TTC27: variants seen among roughly 807,000 people sequenced by gnomAD.
The protein encoded by TTC27 is tetratricopeptide repeat protein 27.
In TTC27, 79 loss-of-function variants were observed where a neutral mutation model predicts 115.9. The ratio of observed to expected loss-of-function variants is 0.68; its 90% CI spans 0.57 to 0.82. The LOEUF is 0.82. TTC27 is among the 40% of genes least tolerant of loss of function. TTC27 has a pLI of 0.00. For missense variants in TTC27, 1,054 were observed against 993.1 expected, an observed-to-expected ratio of 1.06 and a Z score of -0.82; for synonymous variants, 401 against 356.0, an observed-to-expected ratio of 1.13 and a Z score of -1.42.
chr2:32,730,621 A>T (rs1012295698), intron 10 of TTC27, among the ~76,000 whole-genome samples: 12 of 137,832 alleles, frequency 8.7e-5, no homozygotes, highest in Admixed American at 3.6e-4. Flanking sequence ...AGACTTTCTT[A>T]TTTTTTTTTT....
intron 9 of TTC27, among the ~76,000 whole-genome samples, chr2:32,681,978 ATATGTG>A (rs59256112): frequency 0.17 from 23,436 of 137,636 alleles, 2,157 homozygotes; most frequent in East Asian, 0.28. Context: ...ATATGTATAT[ATATGTG>A]TGTGTGTGTG....
intron 3 of TTC27, among the ~76,000 whole-genome samples, chr2:32,635,885 A>G (rs912758011): frequency 6.6e-6 from 1 of 152,188 alleles, no homozygotes; most frequent in African/African-American, 2.4e-5. Context: ...ATTTTAATCC[A>G]TAATGCTGAT....
At chr2:32,790,863 T>C (rs189374718) in intron 16 of TTC27, among the ~76,000 whole-genome samples, 5 of 152,306 alleles carry the variant, frequency 3.3e-5, no homozygotes, top group Non-Finnish European at 5.9e-5. Flanking sequence ...TTACATGGAC[T>C]CTTTATGGTT....
At chr2:32,645,697 G>T (rs1024505728) in intron 4 of TTC27, among the ~76,000 whole-genome samples, 2 of 150,138 alleles carry the variant, frequency 1.3e-5, no homozygotes, top group Non-Finnish European at 3.0e-5. Flanking sequence ...TATCCCTCCC[G>T]CCTCCCCCCA....
chr2:32,663,072 C>T (rs1484019589), intron 5 of TTC27, among the ~76,000 whole-genome samples: 1 of 152,184 alleles, frequency 6.6e-6, no homozygotes, highest in Non-Finnish European at 1.5e-5. Flanking sequence ...GCTGTGCTGG[C>T]AGTGAGAATT....
chr2:32,776,855 C>A (rs529452384), intron 13 of TTC27, among the ~76,000 whole-genome samples: 157 of 152,250 alleles, frequency 1.0e-3, no homozygotes, highest in African/African-American at 3.7e-3. Context: ...AGTGATCCGC[C>A]CACCTCGGCC....
chr2:32,640,846 G>A (rs1450079465), intron 4 of TTC27, among the ~76,000 whole-genome samples: 1 of 152,116 alleles, frequency 6.6e-6, no homozygotes, highest in Non-Finnish European at 1.5e-5. Flanking sequence ...GCTGGGCGCA[G>A]TGGCGTGCAC....
Position 32,638,840 on chromosome 2 carries a change from A to AT in TTC27, c.397-1420dup, listed in dbSNP as rs545271716. Reference sequence around the variant, plus strand: ...TCTGAGGTATAGGTTCAGTTATTTCATTTTTTTTTTGATACGGAGTCTTGC... The same window carrying AT: ...TCTGAGGTATAGGTTCAGTTATTTCATTTTTTTTTTTGATACGGAGTCTTGC... On this transcript the variant is annotated intron_variant, in intron 3 of 19. Transcript: ENST00000317907. Among the ~76,000 whole-genome samples the AT allele has an allele frequency of 7.8e-3, 1,167 of 148,904 alleles. 8 individuals carry two copies. The highest frequency in any genetic ancestry group is 0.011 in the Non-Finnish European group (758 of 66,936).
In TTC27 at chr2:32,646,680, C is replaced by T. The variant is rs527847193; in HGVS notation, c.538-3451C>T. Among the ~76,000 whole-genome samples the T allele has an allele frequency of 2.0e-5, 3 of 150,448 alleles. No homozygotes were observed. The East Asian group carries it at 6.0e-4, about 30-fold the overall frequency. ...CCGGGTTCATGCCATTCTCCTGCCTCAGCCCCCCAAGTAGCTGGGACTACA... is the reference window on the plus strand; with the variant it reads ...CCGGGTTCATGCCATTCTCCTGCCTTAGCCCCCCAAGTAGCTGGGACTACA... On this transcript the variant is annotated intron_variant, in intron 4 of 19. Transcript: ENST00000317907.
At chr2:32,628,739 CTATTTATTTATTTATTTATT>C (rs35823725) in intron 1 of TTC27, among the ~76,000 whole-genome samples, 21 of 145,080 alleles carry the variant, frequency 1.4e-4, no homozygotes, top group East Asian at 6.0e-4. Flanking sequence ...TTTATTTTAT[CTATTTATTTATTTATTTATT>C]TATTTATTTA....
chr2:32,673,149 G>A (rs967834380), intron 8 of TTC27, among the ~76,000 whole-genome samples: 3 of 149,090 alleles, frequency 2.0e-5, no homozygotes, highest in African/African-American at 7.4e-5. Flanking sequence ...AAATTTACAA[G>A]TCCATTACTT....
At chr2:32,750,671 T>C (rs1179910540) in intron 12 of TTC27, among the ~76,000 whole-genome samples, 10 of 152,238 alleles carry the variant, frequency 6.6e-5, no homozygotes, top group African/African-American at 2.2e-4. Flanking sequence ...GGGGAAACTT[T>C]AAAATTTCTT....
intron 16 of TTC27, among the ~76,000 whole-genome samples, chr2:32,790,734 C>T (rs771221255): frequency 4.6e-5 from 7 of 151,968 alleles, no homozygotes; most frequent in Non-Finnish European, 8.8e-5. Context: ...CTCCACCCCA[C>T]CCTGACGCTA....
chr2:32,782,802 G>T (rs1032466068), intron 15 of TTC27, 124 bp downstream of exon 15: 7 of 648,650 alleles, frequency 1.1e-5, no homozygotes, highest in Non-Finnish European at 1.8e-5. Context: ...ATATGAAATA[G>T]AATAACTTAA....
intron 2 of TTC27, 78 bp from the exon 3 acceptor site, chr2:32,633,798 A>G: frequency 6.9e-7 from 1 of 1,458,248 alleles, no homozygotes; most frequent in South Asian, 1.3e-5. Flanking sequence ...TCTTAATAAA[A>G]CTGAAATGGA....
chr2:32,639,160 CTG>C, intron 3 of TTC27, among the ~76,000 whole-genome samples: 1 of 152,130 alleles, frequency 6.6e-6, no homozygotes, highest in Non-Finnish European at 1.5e-5. Context: ...ATTGATGAAA[CTG>C]AGGCTTCATC....
intron 5 of TTC27, among the ~76,000 whole-genome samples, chr2:32,651,792 CAT>C (rs1226469567): frequency 7.2e-5 from 11 of 152,166 alleles, no homozygotes; most frequent in Admixed American, 6.5e-5. Flanking sequence ...AATACATAAA[CAT>C]ATGCTAATCT....
intron 12 of TTC27, among the ~76,000 whole-genome samples, chr2:32,749,806 G>A (rs913376957): frequency 6.6e-6 from 1 of 152,062 alleles, no homozygotes; most frequent in Admixed American, 6.5e-5. Flanking sequence ...TGGAATTATT[G>A]TAGGGATTAC....
chr2:32,791,576 C>T lies in TTC27; in HGVS notation c.1998+4427C>T, dbSNP rs1034946200. ...TAGTAGGAACCAAAGACAGAAATCA[C>T]AGGTAGGCATGTCTTATTTTTTTCT... is the stretch of plus-strand genomic sequence containing the variant. On this transcript the variant is annotated intron_variant, in intron 16 of 19. Coordinates refer to ENST00000317907, the MANE Select transcript of TTC27 (RefSeq NM_017735.5). Among the ~76,000 whole-genome samples, 7 of 152,288 alleles carry T rather than the reference C, an allele frequency of 4.6e-5. No individual in the cohort carries two copies. In the South Asian group the frequency reaches 1.4e-3, roughly 32 times the overall value.
Sources: allele counts gnomAD v4.1 joint callset (sites outside exome capture counted in the v4.1 genomes callset), GRCh38; gene constraint gnomAD v4.1.1; transcripts MANE v1.5; gene names NCBI Gene and HGNC (gene_info 2026-07-23, HGNC 2026-07-21).